The following PALS1 variants were observed in gnomAD, a reference collection of about 807,000 sequenced individuals.
PALS1 encodes the protein protein PALS1.
In PALS1, 31 loss-of-function variants were observed where a neutral mutation model predicts 78.9. The observed-to-expected ratio is 0.39, with a 90% CI of 0.30 to 0.53. The LOEUF is 0.53. PALS1 is among the 20% of genes least tolerant of loss of function. The pLI is 0.67. For synonymous variants in PALS1, 276 were observed against 270.9 expected (o/e 1.02, Z -0.18); for missense variants, 704 against 826.5 (o/e 0.85, Z 1.82).
chr14:67,262,000 GTAAC>G (rs2084246105), intron 1 of PALS1, among the ~76,000 whole-genome samples: 1 of 152,128 alleles, frequency 6.6e-6, no homozygotes, highest in African/African-American at 2.4e-5. Context: ...TTACAGACAT[GTAAC>G]TAACACAGCA....
chr14:67,275,056 C>T (rs1421032704), intron 2 of PALS1, among the ~76,000 whole-genome samples: 1 of 152,204 alleles, frequency 6.6e-6, no homozygotes, highest in East Asian at 1.9e-4. Flanking sequence ...ACAATCATGT[C>T]ATCTGCAAAC....
intron 8 of PALS1, among the ~76,000 whole-genome samples, chr14:67,307,935 A>G (rs966134898): frequency 2.2e-4 from 33 of 152,190 alleles, no homozygotes; most frequent in African/African-American, 8.0e-4. Flanking sequence ...TTGCAGGGAC[A>G]TGGATGGAGT....
At chr14:67,317,258 T>G (rs949610672) in intron 10 of PALS1, 150 bp from the exon 11 acceptor site, 2 of 629,654 alleles carry the variant, frequency 3.2e-6, no homozygotes, top group Admixed American at 3.5e-5. Context: ...AGGCCAGGAG[T>G]TCAAGACAAG....
chr14:67,288,055 A>G (rs2084717107), intron 3 of PALS1, among the ~76,000 whole-genome samples: 1 of 152,052 alleles, frequency 6.6e-6, no homozygotes, highest in African/African-American at 2.4e-5. Context: ...GTCTTTCACA[A>G]CACACTAACA....
intron 1 of PALS1, among the ~76,000 whole-genome samples, chr14:67,259,980 A>G (rs1007405737): frequency 6.6e-6 from 1 of 152,122 alleles, no homozygotes; most frequent in African/African-American, 2.4e-5. Context: ...TTCTACCAGA[A>G]TTTATAGTTT....
At position 67,326,550 on chromosome 14, in the gene PALS1, G is replaced by A. The variant is rs1030096188; in HGVS notation, c.1851+2738G>A. Among the ~76,000 whole-genome samples, 3 of 152,200 alleles carry A rather than the reference G, an allele frequency of 2.0e-5. No individual in the cohort carries two copies. The South Asian group carries it at 6.2e-4, about 32-fold the overall frequency. The stretch of plus-strand genomic sequence containing the variant: ...CAGCAAGTTTTGGAAATGTGTACCT[G>A]TGTAACCACCATGCCAATCAAGATT... On this transcript the variant is annotated intron_variant, in intron 14 of 14. Coordinates refer to ENST00000261681, the MANE Select transcript of PALS1 (RefSeq NM_022474.4).
chr14:67,316,968 AT>A, intron 10 of PALS1, 65 bp downstream of exon 10: 3 of 1,285,866 alleles, frequency 2.3e-6, no homozygotes, highest in Non-Finnish European at 3.3e-6. Context: ...CCATGTGTGA[AT>A]CTGCATATTA....
chr14:67,249,447 C>T (rs545385035), intron 1 of PALS1, among the ~76,000 whole-genome samples: 35 of 152,260 alleles, frequency 2.3e-4, no homozygotes, highest in African/African-American at 7.5e-4. Flanking sequence ...ATGGAAAGCA[C>T]CTAGCAAAAT....
intron 3 of PALS1, among the ~76,000 whole-genome samples, chr14:67,282,022 G>C (rs960886759): frequency 6.6e-6 from 1 of 151,990 alleles, no homozygotes; most frequent in African/African-American, 2.4e-5. Context: ...TCATTTCTTG[G>C]ATAGGAGAAG....
At chr14:67,246,037 T>G (rs888913804) in intron 1 of PALS1, among the ~76,000 whole-genome samples, 8 of 152,080 alleles carry the variant, frequency 5.3e-5, no homozygotes, top group African/African-American at 1.7e-4. Flanking sequence ...CTCTTGTCTC[T>G]TTGTCAAAAG....
At chr14:67,295,233 C>A (rs933507515) in intron 4 of PALS1, among the ~76,000 whole-genome samples, 17 of 151,494 alleles carry the variant, frequency 1.1e-4, no homozygotes, top group African/African-American at 4.1e-4. Flanking sequence ...GCCTGTAATC[C>A]CAGCATTTTG....
Position 67,333,090 on chromosome 14 carries a change from T to C in PALS1, c.*134T>C. The C allele has an allele frequency of 1.4e-6, 1 of 736,418 alleles. No homozygotes were observed. Among genetic ancestry groups the C allele is most frequent in the Non-Finnish European group, 2.1e-6 (1 of 468,122 alleles). 45.6% of individuals were successfully genotyped at this position (736,418 alleles called of 1,614,324 possible). A position where few individuals can be genotyped will look rare whatever the true frequency, so the allele number is the denominator to read the frequency against. On this transcript the variant is annotated 3_prime_UTR_variant, in exon 15 of 15. Coordinates refer to ENST00000261681, the MANE Select transcript of PALS1 (RefSeq NM_022474.4). Reference sequence around the variant, plus strand: ...TAAGCTGTAGATCTGTTCTTAGATCTCTTGAATTAGTGAGACGACAGTTCC... The same window carrying C: ...TAAGCTGTAGATCTGTTCTTAGATCCCTTGAATTAGTGAGACGACAGTTCC...
chr14:67,304,780 A>G (rs2084976742), intron 8 of PALS1, among the ~76,000 whole-genome samples: 1 of 151,716 alleles, frequency 6.6e-6, no homozygotes, highest in African/African-American at 2.4e-5. Flanking sequence ...AGTGAATTGT[A>G]TATGAATTAT....
chr14:67,321,895 CT>C (rs1191446814), intron 13 of PALS1, among the ~76,000 whole-genome samples: 6 of 152,028 alleles, frequency 3.9e-5, no homozygotes, highest in African/African-American at 1.4e-4. Context: ...AATAATTTCC[CT>C]TTTCTGATTC....
intron 3 of PALS1, among the ~76,000 whole-genome samples, chr14:67,281,058 C>T (rs537793926): frequency 1.1e-3 from 165 of 151,956 alleles, no homozygotes; most frequent in Non-Finnish European, 1.7e-3. Flanking sequence ...GCCACCACAC[C>T]TGGCTAATTT....
chr14:67,286,946 G>A (rs1346940756), intron 3 of PALS1, among the ~76,000 whole-genome samples: 1 of 151,882 alleles, frequency 6.6e-6, no homozygotes, highest in Non-Finnish European at 1.5e-5. Flanking sequence ...GGCTGCGCGT[G>A]GTGGCTCACG....
At chr14:67,303,196 A>G (rs1259464634) in intron 7 of PALS1, among the ~76,000 whole-genome samples, 1 of 152,258 alleles carries the variant, frequency 6.6e-6, no homozygotes, top group East Asian at 1.9e-4. Flanking sequence ...GTATAATCAG[A>G]AAATCATTTC....
intron 9 of PALS1, among the ~76,000 whole-genome samples, chr14:67,316,008 A>G (rs1191933655): frequency 6.6e-6 from 1 of 152,230 alleles, no homozygotes; most frequent in Non-Finnish European, 1.5e-5. Flanking sequence ...TACGAAATGC[A>G]CTAAGTTCTA....
intron 4 of PALS1, among the ~76,000 whole-genome samples, chr14:67,298,484 C>T (rs1025827258): frequency 2.7e-5 from 4 of 149,426 alleles, no homozygotes; most frequent in African/African-American, 1.0e-4. Context: ...CATTGCACTC[C>T]AGCCTGGGCG....
Sources: gnomAD v4.1 joint callset for allele counts (sites outside exome capture counted in the v4.1 genomes callset) on GRCh38, gnomAD v4.1.1 for gene constraint, MANE v1.5 for transcripts, NCBI Gene and HGNC (gene_info 2026-07-23, HGNC 2026-07-21) for gene names.